The following ZNF717 variants were observed in gnomAD, a reference collection of about 807,000 sequenced individuals.
The protein encoded by ZNF717 is zinc finger protein 717.
A neutral mutation model predicts 13.8 loss-of-function variants in ZNF717; 9 were observed. That is an observed-to-expected ratio of 0.65 (90% CI 0.39 to 1.14). The LOEUF is 1.14. Among genes scored for constraint, ZNF717 ranks in the 50% most tolerant of loss-of-function variants. ZNF717 has a pLI of 0.01. For synonymous variants in ZNF717, 327 were observed against 364.1 expected (o/e 0.90, Z 1.16); for missense variants, 1,040 against 1,080.7 (o/e 0.96, Z 0.53).
rs562014202 is a variant in ZNF717 at position 75,765,217 on chromosome 3, G to A, written c.57+18089C>T. Among the ~76,000 whole-genome samples the A allele has an allele frequency of 1.2e-3, 182 of 151,856 alleles. 1 individual carries two copies. Among genetic ancestry groups the A allele is most frequent in the Non-Finnish European group, 2.1e-3 (143 of 67,972 alleles). ...CACAAAGTAGAATAGTACTTGCCAG[G>A]AGGTGGAAGGAGGGGGAAATTAATA... On this transcript the variant is annotated intron_variant, in intron 2 of 4. Transcript: ENST00000652011.
downstream of ZNF717, chr3:75,709,497 G>C (rs1302561789): frequency 6.6e-6 from 1 of 152,196 alleles, no homozygotes. Context: ...GAAACACAAA[G>C]GTTTTCAAAG....
chr3:75,766,968 A>G (rs1365548573), intron 2 of ZNF717, among the ~76,000 whole-genome samples: 1 of 152,272 alleles, frequency 6.6e-6, no homozygotes, highest in African/African-American at 2.4e-5. Flanking sequence ...CTGGTAGACT[A>G]AAGGTGACAA....
chr3:75,748,213 A>C (rs115017243), intron 2 of ZNF717, among the ~76,000 whole-genome samples: 108,449 of 152,048 alleles, frequency 0.71, 39,679 homozygotes, highest in East Asian at 0.8. Flanking sequence ...TACCAACCAA[A>C]AAGAGTCCAG....
chr3:75,753,444 T>G (rs1575853132), intron 2 of ZNF717, among the ~76,000 whole-genome samples: 3 of 151,710 alleles, frequency 2.0e-5, no homozygotes, highest in Non-Finnish European at 4.4e-5. Context: ...TACGAGGGTC[T>G]GAATGTTTGT....
At chr3:75,761,393 C>G (rs376452052) in intron 2 of ZNF717, among the ~76,000 whole-genome samples, 1 of 152,164 alleles carries the variant, frequency 6.6e-6, no homozygotes, top group Non-Finnish European at 1.5e-5. Flanking sequence ...AAATAAAGAT[C>G]GTACATGAAA....
chr3:75,726,091 T>C (rs1382414559), downstream of ZNF717, among the ~76,000 whole-genome samples: 1 of 152,280 alleles, frequency 6.6e-6, no homozygotes, highest in African/African-American at 2.4e-5. Context: ...CGTGTCATTA[T>C]TTATTAATTC....
chr3:75,735,126 A>G (rs1284955719), downstream of ZNF717, among the ~76,000 whole-genome samples: 2 of 152,218 alleles, frequency 1.3e-5, no homozygotes, highest in African/African-American at 2.4e-5. Context: ...CACCCAGCCA[A>G]TTACATACTT....
At chr3:75,720,786 CAGCCTAGTCAACAT>C in intron 4 of ZNF717, among the ~76,000 whole-genome samples, 1 of 152,212 alleles carries the variant, frequency 6.6e-6, no homozygotes, top group South Asian at 2.1e-4. Flanking sequence ...AGTTCAAGGC[CAGCCTAGTCAACAT>C]AGCAAGACCC....
intron 2 of ZNF717, among the ~76,000 whole-genome samples, chr3:75,746,672 A>C (rs1941207440): frequency 6.6e-6 from 1 of 152,164 alleles, no homozygotes; most frequent in Admixed American, 6.6e-5. Flanking sequence ...TGGCTGCATA[A>C]ATGACTTCTT....
At chr3:75,771,440 C>A (rs1193610504) in intron 2 of ZNF717, among the ~76,000 whole-genome samples, 1 of 152,190 alleles carries the variant, frequency 6.6e-6, no homozygotes, top group East Asian at 1.9e-4. Flanking sequence ...AAATTTAATT[C>A]AGCTGAAGAT....
chr3:75,743,528 C>T (rs1355839252), intron 2 of ZNF717, among the ~76,000 whole-genome samples: 3 of 152,152 alleles, frequency 2.0e-5, no homozygotes, highest in African/African-American at 7.2e-5. Context: ...TAAGGAGGTC[C>T]AGTAAGGACA....
intron 4 of ZNF717, among the ~76,000 whole-genome samples, chr3:75,717,587 T>C (rs1342953853): frequency 6.6e-6 from 1 of 152,182 alleles, no homozygotes; most frequent in Non-Finnish European, 1.5e-5. Context: ...GGTCTTGACA[T>C]TGACTCTCCA....
At chr3:75,759,945 T>C (rs1942834226) in intron 2 of ZNF717, among the ~76,000 whole-genome samples, 1 of 152,224 alleles carries the variant, frequency 6.6e-6, no homozygotes. Flanking sequence ...GGTTTATTTA[T>C]CTTTATGTCA....
At chr3:75,748,823 G>A (rs1380586930) in intron 2 of ZNF717, among the ~76,000 whole-genome samples, 1 of 152,188 alleles carries the variant, frequency 6.6e-6, no homozygotes, top group East Asian at 1.9e-4. Context: ...TCAACATAGG[G>A]TTGGAAGTTC....
Position 75,736,899 on chromosome 3 carries a change from T to A in ZNF717, c.2724A>T (p.Gln908His). The change falls in exon 5 of 5, where the codon CAA (glutamine) becomes CAT (histidine). Residue 908 changes from glutamine (Q) to histidine (H), a missense_variant. Physicochemically the swap from Gln to His is conservative, Grantham distance 24 (BLOSUM62 0). Transcript: ENST00000652011. ...DVAEAGYVFP[Q>H]NHSFFP ...GTGTTCAAGGGAAAAAAGAGTGATT[T>A]TGAGGGAACACATAGCCTGCCTCAG... 6.4e-7 allele frequency: 1 copy of A among 1,551,510 alleles called. No individual in the cohort carries two copies. Among genetic ancestry groups the A allele is most frequent in the South Asian group, 1.2e-5 (1 of 83,912 alleles).
intron 2 of ZNF717, among the ~76,000 whole-genome samples, chr3:75,781,761 G>A (rs1944839921): frequency 1.3e-5 from 2 of 152,142 alleles, no homozygotes; most frequent in African/African-American, 2.4e-5. Flanking sequence ...GATGTCTGCA[G>A]TTCCCAGCAA....
intron 2 of ZNF717, among the ~76,000 whole-genome samples, chr3:75,753,397 G>T (rs796318800): frequency 6.9e-6 from 1 of 144,512 alleles, no homozygotes; most frequent in Non-Finnish European, 1.5e-5. Flanking sequence ...GCTGTGGTCT[G>T]AATGTTTGCC....
At chr3:75,709,002 C>CT (rs112657956), downstream of ZNF717, among the ~76,000 whole-genome samples, 61,607 of 149,520 alleles carry the variant, frequency 0.41, 13,095 homozygotes, top group South Asian at 0.6. Flanking sequence ...TTTTCTTTTT[C>CT]TTTTCTTTTT....
chr3:75,701,885 C>T, intron 6 of ZNF717, among the ~76,000 whole-genome samples: 1 of 152,426 alleles, frequency 6.6e-6, no homozygotes, highest in Non-Finnish European at 1.5e-5. Context: ...TGAAAAGGTG[C>T]TCCACATTAC....
Sources: allele counts gnomAD v4.1 joint callset (sites outside exome capture counted in the v4.1 genomes callset), GRCh38; gene constraint gnomAD v4.1.1; transcripts MANE v1.5; gene names NCBI Gene and HGNC (gene_info 2026-07-23, HGNC 2026-07-21).